Variants in FAXC observed in about 807,000 individuals in gnomAD.
The protein encoded by FAXC is failed axon connections homolog.
In FAXC, 10 loss-of-function variants were observed where a neutral mutation model predicts 41.9. The ratio of observed to expected loss-of-function variants is 0.24; its 90% CI spans 0.15 to 0.41. The LOEUF (loss-of-function observed/expected upper bound fraction) is 0.41. FAXC is among the 10% of genes least tolerant of loss of function. The probability of loss-of-function intolerance (pLI) is 1.00; values close to 1 mark genes in which losing one functional copy is unlikely to be tolerated. For synonymous variants in FAXC, 183 were observed against 183.8 expected (o/e 1.00, Z 0.03); for missense variants, 399 against 510.9 (o/e 0.78, Z 2.11).
intron 4 of FAXC, among the ~76,000 whole-genome samples, chr6:99,303,064 A>G (rs1279991903): frequency 6.6e-6 from 1 of 152,244 alleles, no homozygotes; most frequent in Non-Finnish European, 1.5e-5. Flanking sequence ...TATATTAACT[A>G]TGCTAAATTT....
rs549555020 is a variant in FAXC at position 99,349,337 on chromosome 6, C to A, written c.36G>T (p.Pro12=). The part of the protein sequence containing the change: ...HWGVGFASSR[P]CVVDLSWNQS... ...GGTTCCAGCTCAGATCCACCACGCA[C>A]GGCCTGGACGAAGCAAAGCCAACCC... Residue 12 remains proline (P), a synonymous_variant, in exon 1 of 6, where the codon CCG becomes CCT. Coordinates refer to ENST00000389677, the MANE Select transcript of FAXC (RefSeq NM_032511.4). The A allele has an allele frequency of 2.5e-6, 4 of 1,612,746 alleles. No homozygotes were observed. The Admixed American group carries it at 6.7e-5, about 27-fold the overall frequency.
intron 1 of FAXC, among the ~76,000 whole-genome samples, chr6:99,347,114 A>C (rs926646520): frequency 3.9e-5 from 6 of 152,090 alleles, no homozygotes; most frequent in Admixed American, 6.5e-5. Flanking sequence ...AGTTAAAAAA[A>C]AAATTAGCCA....
rs1770467530 is a variant in FAXC, at chr6:99,272,985, T to C, written c.*8179A>G. On this transcript the variant is annotated 3_prime_UTR_variant, in exon 6 of 6. Coordinates refer to ENST00000389677, the MANE Select transcript of FAXC (RefSeq NM_032511.4). Reference sequence around the variant, plus strand: ...AGCATTAAGACCAAATATACAGAATTTCCACATTTATATACAGTAGTCAAC... The same window carrying C: ...AGCATTAAGACCAAATATACAGAATCTCCACATTTATATACAGTAGTCAAC... 6.6e-6 allele frequency: 1 copy of C among 152,222 alleles called. No individual in the cohort carries two copies. The highest frequency in any genetic ancestry group is 2.4e-5 in the African/African-American group (1 of 41,470). 9.4% of individuals were successfully genotyped at this position (152,222 alleles called of 1,614,324 possible). A position where few individuals can be genotyped will look rare whatever the true frequency, so the allele number is the denominator to read the frequency against.
intron 3 of FAXC, among the ~76,000 whole-genome samples, chr6:99,330,755 A>T (rs1178787783): frequency 6.6e-6 from 1 of 152,222 alleles, no homozygotes; most frequent in East Asian, 1.9e-4. Context: ...GACTGTTAGA[A>T]TTTAACAAGA....
chr6:99,302,888 A>G lies in FAXC; in HGVS notation c.824-11068T>C, dbSNP rs538987623. On this transcript the variant is annotated intron_variant, in intron 4 of 5. Coordinates refer to ENST00000389677, the MANE Select transcript of FAXC (RefSeq NM_032511.4). ...ACTTTAAAATACTTCTGTACAAAAA[A>G]AAAAATAGGTAAAGCAAATATAACA... Among the ~76,000 whole-genome samples the G allele has an allele frequency of 2.3e-3, 343 of 152,312 alleles. 1 individual carries two copies. Among genetic ancestry groups the G allele is most frequent in the Admixed American group, 5.6e-3 (85 of 15,302 alleles).
intron 4 of FAXC, among the ~76,000 whole-genome samples, chr6:99,321,780 C>A (rs1294693344): frequency 6.6e-6 from 1 of 152,240 alleles, no homozygotes; most frequent in Non-Finnish European, 1.5e-5. Context: ...ATTGCTATCA[C>A]CCTGCTCTCT....
At chr6:99,306,922 A>G (rs1771943686) in intron 4 of FAXC, among the ~76,000 whole-genome samples, 1 of 152,208 alleles carries the variant, frequency 6.6e-6, no homozygotes, top group Admixed American at 6.5e-5. Flanking sequence ...ACCTGAAACT[A>G]CAAGAGACTA....
chr6:99,295,666 C>T (rs182950804), intron 4 of FAXC, among the ~76,000 whole-genome samples: 90 of 152,278 alleles, frequency 5.9e-4, no homozygotes, highest in African/African-American at 2.1e-3. Context: ...CCTAATGGTT[C>T]GGTTTCTCTG....
At chr6:99,321,420 CA>C (rs1329749494) in intron 4 of FAXC, among the ~76,000 whole-genome samples, 1 of 152,174 alleles carries the variant, frequency 6.6e-6, no homozygotes, top group South Asian at 2.1e-4. Context: ...TTCACTTATT[CA>C]ATAAATGAAA....
chr6:99,301,239 A>G (rs989463340), intron 4 of FAXC, among the ~76,000 whole-genome samples: 1 of 152,214 alleles, frequency 6.6e-6, no homozygotes, highest in Non-Finnish European at 1.5e-5. Flanking sequence ...TTCTCAAACC[A>G]TACACTCATC....
In FAXC at chr6:99,288,847, G is replaced by GACACACACAC. The variant is rs11274408; in HGVS notation, c.940+2847_940+2856dup. Among the ~76,000 whole-genome samples the GACACACACAC allele has an allele frequency of 6.2e-3, 433 of 69,496 alleles. 3 individuals are homozygous for GACACACACAC. The highest frequency in any genetic ancestry group is 0.019 in the African/African-American group (193 of 10,284). 45.6% of individuals were successfully genotyped at this position (69,496 alleles called of 152,430 possible). On this transcript the variant is annotated intron_variant, in intron 5 of 5. Coordinates refer to ENST00000389677, the MANE Select transcript of FAXC (RefSeq NM_032511.4). ...AACCTCCTGGGCATGCACATGAATC[G>GACACACACAC]ACACACACACATACACACACACACA... is the stretch of plus-strand genomic sequence containing the variant.
intron 4 of FAXC, among the ~76,000 whole-genome samples, chr6:99,323,168 A>G (rs1422638102): frequency 6.6e-6 from 1 of 152,210 alleles, no homozygotes; most frequent in Non-Finnish European, 1.5e-5. Context: ...CAGAAGTGCC[A>G]GCATCACTTG....
Position 99,271,197 on chromosome 6 carries a change from T to C in FAXC, c.*9967A>G, listed in dbSNP as rs1461681051. 6.6e-6 allele frequency: 1 copy of C among 152,188 alleles called. No homozygotes were observed. Among genetic ancestry groups the C allele is most frequent in the Non-Finnish European group, 1.5e-5 (1 of 68,042 alleles). The allele number at this position is 152,188 out of a possible 1,614,324, so 9.4% of individuals were successfully genotyped here. A position where few individuals can be genotyped will look rare whatever the true frequency, so the allele number is the denominator to read the frequency against. ...AGCAAAACATGTATTTTAACGACTCTGAGATCACAGCACATTGGAAAGGTA... is the reference window on the plus strand; with the variant it reads ...AGCAAAACATGTATTTTAACGACTCCGAGATCACAGCACATTGGAAAGGTA... On this transcript the variant is annotated 3_prime_UTR_variant, in exon 6 of 6. Coordinates refer to ENST00000389677, the MANE Select transcript of FAXC (RefSeq NM_032511.4).
intron 1 of FAXC, among the ~76,000 whole-genome samples, chr6:99,345,566 C>G (rs1773561779): frequency 6.6e-6 from 1 of 152,150 alleles, no homozygotes; most frequent in African/African-American, 2.4e-5. Context: ...GTGATCTTAC[C>G]ATAAGGTTTA....
chr6:99,318,307 A>ACACACAC (rs1772454935), intron 4 of FAXC, among the ~76,000 whole-genome samples: 1 of 97,554 alleles, frequency 1.0e-5, no homozygotes, highest in East Asian at 2.6e-4. Context: ...ACACACACAC[A>ACACACAC]AAATAGAAGA....
chr6:99,294,563 C>G (rs1771400099), intron 4 of FAXC, among the ~76,000 whole-genome samples: 1 of 152,088 alleles, frequency 6.6e-6, no homozygotes, highest in Non-Finnish European at 1.5e-5. Flanking sequence ...GAGAAGAAAA[C>G]AGGATTTTTG....
At chr6:99,312,199 C>A (rs1275008555) in intron 4 of FAXC, among the ~76,000 whole-genome samples, 1 of 152,224 alleles carries the variant, frequency 6.6e-6, no homozygotes, top group Non-Finnish European at 1.5e-5. Flanking sequence ...CAGAGTCCAG[C>A]TGAGGAAACA....
chr6:99,315,764 T>C (rs901462190), intron 4 of FAXC, among the ~76,000 whole-genome samples: 4 of 152,258 alleles, frequency 2.6e-5, no homozygotes, highest in Non-Finnish European at 4.4e-5. Flanking sequence ...CTGGAGTCCA[T>C]GCTTGGCTAT....
intron 5 of FAXC, among the ~76,000 whole-genome samples, chr6:99,287,398 T>C (rs969386756): frequency 7.2e-5 from 11 of 152,194 alleles, no homozygotes; most frequent in Admixed American, 3.9e-4. Flanking sequence ...TTTCTATCTT[T>C]TCTAAATTTT....
Sources: allele counts gnomAD v4.1 joint callset (sites outside exome capture counted in the v4.1 genomes callset), GRCh38; gene constraint gnomAD v4.1.1; transcripts MANE v1.5; gene names NCBI Gene and HGNC (gene_info 2026-07-23, HGNC 2026-07-21).